The following FAM107B variants were observed in gnomAD, a reference collection of about 807,000 sequenced individuals.
The protein encoded by FAM107B is family with sequence similarity 107 member B.
In FAM107B, 21 loss-of-function variants were observed where a neutral mutation model predicts 31.5. That is an observed-to-expected ratio of 0.67 (90% CI 0.47 to 0.96). The LOEUF is 0.96. Among genes scored for constraint, FAM107B ranks in the 40% least tolerant of loss-of-function variants. The probability of loss-of-function intolerance (pLI) is 0.00; values close to 1 mark genes in which losing one functional copy is unlikely to be tolerated. For synonymous variants in FAM107B, 157 were observed against 141.5 expected (o/e 1.11, Z -0.78); for missense variants, 452 against 377.1 (o/e 1.20, Z -1.64).
intron 2 of FAM107B, among the ~76,000 whole-genome samples, chr10:14,543,894 C>T (rs1848468671): frequency 6.6e-6 from 1 of 152,178 alleles, no homozygotes; most frequent in Admixed American, 6.5e-5. Flanking sequence ...AAGAGCCCTA[C>T]AGCTCTTGTC....
At chr10:14,761,034 A>AAAAAAC in intron 1 of FAM107B, among the ~76,000 whole-genome samples, 1 of 146,634 alleles carries the variant, frequency 6.8e-6, no homozygotes, top group Non-Finnish European at 1.5e-5. Flanking sequence ...AAAAAAAAAA[A>AAAAAAC]AAGAAAGACA....
chr10:14,568,556 C>G (rs1564574996), intron 2 of FAM107B, among the ~76,000 whole-genome samples: 1 of 137,988 alleles, frequency 7.2e-6, no homozygotes. Context: ...TGAAGATACT[C>G]AGGTAAGAGG....
intron 1 of FAM107B, among the ~76,000 whole-genome samples, chr10:14,692,768 A>G (rs1302203262): frequency 1.3e-5 from 2 of 152,174 alleles, no homozygotes; most frequent in East Asian, 3.8e-4. Flanking sequence ...AAATAGCCCA[A>G]GTGTGGTTTC....
At chr10:14,597,035 T>G (rs1367935832) in intron 2 of FAM107B, among the ~76,000 whole-genome samples, 1 of 152,138 alleles carries the variant, frequency 6.6e-6, no homozygotes, top group Admixed American at 6.6e-5. Flanking sequence ...AGTCTAGGCC[T>G]CTCTCTTTCC....
intron 2 of FAM107B, among the ~76,000 whole-genome samples, chr10:14,652,362 C>G (rs1853923209): frequency 6.6e-6 from 1 of 152,180 alleles, no homozygotes; most frequent in Admixed American, 6.5e-5. Context: ...TCAACCCTCT[C>G]ACTATAGAGA....
intron 2 of FAM107B, among the ~76,000 whole-genome samples, chr10:14,615,403 A>C (rs1161877269): frequency 1.3e-5 from 2 of 152,196 alleles, no homozygotes; most frequent in African/African-American, 4.8e-5. Context: ...GGAGAGAATT[A>C]ATGGATATCT....
intron 1 of FAM107B, among the ~76,000 whole-genome samples, chr10:14,743,273 A>T (rs1323436592): frequency 6.6e-6 from 1 of 151,956 alleles, no homozygotes; most frequent in Non-Finnish European, 1.5e-5. Context: ...TGTCAGATGG[A>T]TAGATTGCAA....
rs1832836007 is a variant in FAM107B, at chr10:14,751,968, G to T, written c.411+22285C>A. Among the ~76,000 whole-genome samples, 3 of 152,172 alleles carry T rather than the reference G, an allele frequency of 2.0e-5. No individual in the cohort carries two copies. The South Asian group carries it at 6.2e-4, about 31-fold the overall frequency. ...ATGAATGAAGGGAATCAGAAAATAG[G>T]TTTAATCCATGGCACCTCCCTTGCT... On this transcript the variant is annotated intron_variant, in intron 1 of 4. Transcript: ENST00000181796.
chr10:14,717,199 C>T (rs527343551), intron 1 of FAM107B, among the ~76,000 whole-genome samples: 2 of 152,240 alleles, frequency 1.3e-5, no homozygotes, highest in Admixed American at 6.5e-5. Flanking sequence ...GTAGTGAGCA[C>T]GTGGTTTGTT....
chr10:14,573,067 C>T (rs1335759702), intron 2 of FAM107B, among the ~76,000 whole-genome samples: 1 of 152,092 alleles, frequency 6.6e-6, no homozygotes, highest in African/African-American at 2.4e-5. Context: ...TACATTTCAA[C>T]TCCTGCACCA....
At chr10:14,732,768 CAT>C (rs1193264627) in intron 1 of FAM107B, among the ~76,000 whole-genome samples, 3 of 147,288 alleles carry the variant, frequency 2.0e-5, no homozygotes, top group East Asian at 1.9e-4. Flanking sequence ...AAACATATAA[CAT>C]AATATATTCT....
At chr10:14,561,619 G>A (rs921999957) in intron 2 of FAM107B, among the ~76,000 whole-genome samples, 3 of 152,128 alleles carry the variant, frequency 2.0e-5, no homozygotes, top group Admixed American at 6.5e-5. Flanking sequence ...GAGAGGCCCC[G>A]CAGTTTGTGG....
At chr10:14,533,890 T>A (rs1160870824) in intron 2 of FAM107B, among the ~76,000 whole-genome samples, 1 of 152,058 alleles carries the variant, frequency 6.6e-6, no homozygotes, top group Non-Finnish European at 1.5e-5. Flanking sequence ...CAAGCCTGTC[T>A]CCTATTAGAG....
At chr10:14,538,759 G>C (rs1309931063) in intron 2 of FAM107B, among the ~76,000 whole-genome samples, 1 of 152,214 alleles carries the variant, frequency 6.6e-6, no homozygotes, top group Non-Finnish European at 1.5e-5. Flanking sequence ...TCACTTGGTT[G>C]CTGCTGCATA....
chr10:14,710,595 A>G (rs1255283740), intron 1 of FAM107B, among the ~76,000 whole-genome samples: 1 of 152,188 alleles, frequency 6.6e-6, no homozygotes, highest in African/African-American at 2.4e-5. Context: ...TGGTCCCATA[A>G]GAGTATAATC....
At chr10:14,738,691 A>T (rs1856366548) in intron 1 of FAM107B, among the ~76,000 whole-genome samples, 2 of 152,172 alleles carry the variant, frequency 1.3e-5, no homozygotes, top group South Asian at 4.1e-4. Context: ...GAATCCAGAC[A>T]TTACCCCTGA....
intron 2 of FAM107B, among the ~76,000 whole-genome samples, chr10:14,548,029 T>A (rs1032045083): frequency 6.6e-6 from 1 of 152,242 alleles, no homozygotes; most frequent in African/African-American, 2.4e-5. Context: ...GTGGGCTTTC[T>A]GTGAACAACC....
At chr10:14,557,837 ACCCAGCCAGGT>A (rs1238208469) in intron 2 of FAM107B, among the ~76,000 whole-genome samples, 1 of 152,154 alleles carries the variant, frequency 6.6e-6, no homozygotes, top group East Asian at 1.9e-4. Flanking sequence ...CCTAGCCAGG[ACCCAGCCAGGT>A]CCCAGCCAGG....
At chr10:14,724,652 T>C (rs1855987406) in intron 1 of FAM107B, among the ~76,000 whole-genome samples, 1 of 151,614 alleles carries the variant, frequency 6.6e-6, no homozygotes, top group African/African-American at 2.4e-5. Flanking sequence ...GAGCGTTCCC[T>C]AGGATGAGAA....
Sources: allele counts gnomAD v4.1 joint callset (sites outside exome capture counted in the v4.1 genomes callset), GRCh38; gene constraint gnomAD v4.1.1; transcripts MANE v1.5; gene names NCBI Gene and HGNC (gene_info 2026-07-23, HGNC 2026-07-21).